The following ZNF407 variants were observed in gnomAD, a reference collection of about 807,000 sequenced individuals.
The protein encoded by ZNF407 is zinc finger protein 407.
Under a neutral mutation model 131.2 loss-of-function variants are expected in ZNF407, and 17 were observed. The ratio of observed to expected loss-of-function variants is 0.13; its 90% CI spans 0.09 to 0.19. The LOEUF is 0.19. Ranked by LOEUF, ZNF407 falls within the 10% of genes least tolerant of loss-of-function variation. The probability of loss-of-function intolerance (pLI) is 1.00; values close to 1 mark genes in which losing one functional copy is unlikely to be tolerated. For missense variants in ZNF407, 2,681 were observed against 2,830.6 expected, an observed-to-expected ratio of 0.95 and a Z score of 1.20; for synonymous variants, 1,156 against 1,062.0, an observed-to-expected ratio of 1.09 and a Z score of -1.72.
intron 7 of ZNF407, among the ~76,000 whole-genome samples, chr18:74,912,560 T>A (rs1971688779): frequency 6.6e-6 from 1 of 152,174 alleles, no homozygotes; most frequent in African/African-American, 2.4e-5. Context: ...CTTTAACAAA[T>A]GTTATTGAGA....
chr18:74,833,715 G>A (rs1048303939), intron 4 of ZNF407, among the ~76,000 whole-genome samples: 11 of 152,326 alleles, frequency 7.2e-5, no homozygotes, highest in African/African-American at 2.6e-4. Context: ...AGAGGTTTAA[G>A]ATCTTGTTTA....
intron 8 of ZNF407, among the ~76,000 whole-genome samples, chr18:75,031,116 CAT>C (rs1973235202): frequency 6.6e-6 from 1 of 152,188 alleles, no homozygotes; most frequent in African/African-American, 2.4e-5. Context: ...ACCTCACACT[CAT>C]GTAATAACAA....
intron 3 of ZNF407, among the ~76,000 whole-genome samples, chr18:74,758,172 A>G (rs541755283): frequency 6.6e-6 from 1 of 151,976 alleles, no homozygotes; most frequent in Non-Finnish European, 1.5e-5. Flanking sequence ...TACACGTGCT[A>G]TTTTGTGTTT....
intron 8 of ZNF407, among the ~76,000 whole-genome samples, chr18:74,930,849 A>G (rs1971975067): frequency 6.6e-6 from 1 of 152,194 alleles, no homozygotes; most frequent in South Asian, 2.1e-4. Flanking sequence ...GCCATGGTCC[A>G]GAAATGAATC....
intron 1 of ZNF407, among the ~76,000 whole-genome samples, chr18:74,599,070 G>A (rs1982454836): frequency 2.0e-5 from 3 of 152,186 alleles, no homozygotes; most frequent in South Asian, 4.1e-4. Flanking sequence ...ACTGTAGACA[G>A]GGGCCCTAAC....
chr18:74,730,531 T>C (rs1040794061), intron 3 of ZNF407, among the ~76,000 whole-genome samples: 10 of 152,202 alleles, frequency 6.6e-5, no homozygotes, highest in African/African-American at 2.4e-4. Flanking sequence ...TAAATCTTCA[T>C]TCTCTTCATT....
intron 4 of ZNF407, among the ~76,000 whole-genome samples, chr18:74,875,756 A>G (rs1331167167): frequency 6.6e-6 from 1 of 152,190 alleles, no homozygotes; most frequent in Admixed American, 6.5e-5. Flanking sequence ...AAGTTAGTCC[A>G]TGTTAACGGG....
chr18:74,921,801 G>T lies in ZNF407; in HGVS notation c.5428+1109G>T, dbSNP rs746224495. 2.6e-5 allele frequency among the ~76,000 whole-genome samples: 4 copies of T among 152,130 alleles called. 1 individual carries two copies. On this transcript the variant is annotated intron_variant, in intron 8 of 8. Coordinates refer to ENST00000299687, the MANE Select transcript of ZNF407 (RefSeq NM_017757.3). ...TCGTTAGTAGTGGTGGGGATGTGGG[G>T]ATTGTGATATATATCACACCAGAAA...
chr18:74,839,105 T>C (rs71359061), intron 4 of ZNF407, among the ~76,000 whole-genome samples: 1 of 152,208 alleles, frequency 6.6e-6, no homozygotes, highest in Non-Finnish European at 1.5e-5. Flanking sequence ...ATTGTATTTA[T>C]ACTTTCATGT....
At chr18:74,679,417 C>T (rs1373714144) in intron 3 of ZNF407, among the ~76,000 whole-genome samples, 1 of 152,174 alleles carries the variant, frequency 6.6e-6, no homozygotes, top group Non-Finnish European at 1.5e-5. Flanking sequence ...TGCTTCTGTA[C>T]GGGGTGAAGT....
intron 1 of ZNF407, among the ~76,000 whole-genome samples, chr18:74,624,296 G>T (rs1983692929): frequency 6.6e-6 from 1 of 152,080 alleles, no homozygotes; most frequent in Admixed American, 6.5e-5. Flanking sequence ...GATGATTTTT[G>T]AATTCTTCTT....
intron 4 of ZNF407, among the ~76,000 whole-genome samples, chr18:74,852,801 A>G (rs1317940373): frequency 7.2e-5 from 11 of 152,294 alleles, no homozygotes; most frequent in Admixed American, 5.2e-4. Flanking sequence ...TAAAAAATCA[A>G]TTGCAAATGA....
At chr18:74,676,316 T>C (rs1440005265) in intron 3 of ZNF407, among the ~76,000 whole-genome samples, 1 of 152,088 alleles carries the variant, frequency 6.6e-6, no homozygotes, top group Non-Finnish European at 1.5e-5. Context: ...GGTCTCAAAC[T>C]CCTGAGCTCA....
chr18:74,626,236 A>C (rs1237319881), intron 1 of ZNF407, among the ~76,000 whole-genome samples: 1 of 152,178 alleles, frequency 6.6e-6, no homozygotes, highest in East Asian at 1.9e-4. Context: ...GGTGTGGGCC[A>C]AACAGAATTC....
intron 3 of ZNF407, among the ~76,000 whole-genome samples, chr18:74,735,798 G>C (rs1281245011): frequency 6.6e-6 from 1 of 152,174 alleles, no homozygotes; most frequent in Non-Finnish European, 1.5e-5. Context: ...TGGAAAGTTT[G>C]AGTATATTTA....
At chr18:74,668,947 C>T (rs1367773216) in intron 3 of ZNF407, among the ~76,000 whole-genome samples, 2 of 151,998 alleles carry the variant, frequency 1.3e-5, no homozygotes, top group Non-Finnish European at 2.9e-5. Context: ...ATGCGTGTCA[C>T]GTTCTGGTGT....
chr18:74,857,376 T>C (rs1410144543), intron 4 of ZNF407, among the ~76,000 whole-genome samples: 1 of 152,234 alleles, frequency 6.6e-6, no homozygotes. Context: ...TATTTACAAG[T>C]ATTTTATAGA....
intron 4 of ZNF407, among the ~76,000 whole-genome samples, chr18:74,820,276 A>G (rs1289491472): frequency 6.6e-6 from 1 of 152,210 alleles, no homozygotes; most frequent in Admixed American, 6.5e-5. Flanking sequence ...CAGGCCCCAC[A>G]GGCAACTGCC....
chr18:74,745,221 A>T (rs9951437), intron 3 of ZNF407, among the ~76,000 whole-genome samples: 1 of 152,066 alleles, frequency 6.6e-6, no homozygotes. Context: ...TGAATTAAAA[A>T]GTTCCTAGGA....
Sources: allele counts gnomAD v4.1 joint callset (sites outside exome capture counted in the v4.1 genomes callset), GRCh38; gene constraint gnomAD v4.1.1; transcripts MANE v1.5; gene names NCBI Gene and HGNC (gene_info 2026-07-23, HGNC 2026-07-21).